The following TDP1 variants were observed in gnomAD, a reference collection of about 807,000 sequenced individuals.
TDP1 encodes the protein tyr-DNA phosphodiesterase 1.
A neutral mutation model predicts 81.5 loss-of-function variants in TDP1; 64 were observed. The observed-to-expected ratio is 0.79, with a 90% CI of 0.64 to 0.97. The LOEUF is 0.97. TDP1 is among the 50% of genes least tolerant of loss of function. The pLI is 0.00. For synonymous variants in TDP1, 256 were observed against 264.3 expected (o/e 0.97, Z 0.30); for missense variants, 723 against 743.8 (o/e 0.97, Z 0.33).
At chr14:90,010,854 A>G (rs1194280734) in intron 14 of TDP1, among the ~76,000 whole-genome samples, 1 of 152,174 alleles carries the variant, frequency 6.6e-6, no homozygotes, top group Non-Finnish European at 1.5e-5. Flanking sequence ...ATATCAAGAG[A>G]AAAAAACAGT....
rs574041655 is a variant in TDP1 at position 89,977,565 on chromosome 14, C to T, written c.791+1750C>T. ...CACCCGCCTCGGCCTCCCAAAGTGC[C>T]GGGATTACAGGCGTGAGCCACCGCA... is the stretch of plus-strand genomic sequence containing the variant. On this transcript the variant is annotated intron_variant, in intron 7 of 16. Transcript: ENST00000335725. Among the ~76,000 whole-genome samples, 14 of 152,164 alleles carry T rather than the reference C, an allele frequency of 9.2e-5. No homozygotes were observed. The South Asian group carries it at 1.3e-3, about 14-fold the overall frequency.
chr14:90,003,237 TA>T (rs1231942365), intron 14 of TDP1, among the ~76,000 whole-genome samples: 5 of 152,220 alleles, frequency 3.3e-5, no homozygotes, highest in African/African-American at 1.2e-4. Flanking sequence ...CGCCCAGCCA[TA>T]TGTGGTTAAT....
intron 15 of TDP1, among the ~76,000 whole-genome samples, chr14:90,029,775 A>G (rs150192397): frequency 0.039 from 5,968 of 152,304 alleles, 386 homozygotes; most frequent in African/African-American, 0.13. Flanking sequence ...CTGGGATTAC[A>G]GGTGTGAGCC....
intron 15 of TDP1, among the ~76,000 whole-genome samples, chr14:90,027,788 A>T (rs1596691728): frequency 6.6e-6 from 1 of 152,216 alleles, no homozygotes; most frequent in African/African-American, 2.4e-5. Context: ...AATGGAAACA[A>T]TGTAACTCAT....
intron 11 of TDP1, 97 bp downstream of exon 11, chr14:89,989,187 C>A (rs1596567113): frequency 5.4e-6 from 5 of 929,224 alleles, no homozygotes; most frequent in South Asian, 1.6e-5. Flanking sequence ...ATGTTTTATT[C>A]TGTGATTCTT....
chr14:89,993,607 T>G, intron 14 of TDP1, 124 bp downstream of exon 14: 1 of 1,464,742 alleles, frequency 6.8e-7, no homozygotes, highest in Non-Finnish European at 9.2e-7. Context: ...AGTATGTTTG[T>G]GTTACATGAG....
At chr14:89,976,786 C>T (rs887259655) in intron 7 of TDP1, among the ~76,000 whole-genome samples, 3 of 152,040 alleles carry the variant, frequency 2.0e-5, no homozygotes, top group Admixed American at 6.5e-5. Flanking sequence ...ATCCACCCTC[C>T]TCTGCCTCCC....
At position 90,043,537 on chromosome 14, in the gene TDP1, T is replaced by G; in HGVS notation, c.*394T>G. The G allele has an allele frequency of 3.1e-6, 1 of 319,050 alleles. No individual in the cohort carries two copies. The highest frequency in any genetic ancestry group is 3.1e-5 in the South Asian group (1 of 31,814). 19.8% of individuals were successfully genotyped at this position (319,050 alleles called of 1,614,324 possible). On this transcript the variant is annotated 3_prime_UTR_variant, in exon 17 of 17. Transcript: ENST00000335725. ...ACCCAAATCTAAACACAAAATTCAT[T>G]TATGTTTCATATACACCTTATATAC...
chr14:89,991,558 C>T (rs12433238), intron 12 of TDP1: 1 of 984,954 alleles, frequency 1.0e-6, no homozygotes, highest in South Asian at 4.7e-5. Flanking sequence ...GAATGGGTTT[C>T]TAAAAAGTGA....
intron 2 of TDP1, among the ~76,000 whole-genome samples, chr14:89,961,576 G>A (rs28713410): frequency 6.8e-4 from 103 of 152,184 alleles, no homozygotes; most frequent in African/African-American, 2.3e-3. Flanking sequence ...CCAGTCTTAC[G>A]ATCTCTGGTC....
intron 14 of TDP1, among the ~76,000 whole-genome samples, chr14:89,998,751 G>A (rs1896942681): frequency 6.6e-6 from 1 of 151,946 alleles, no homozygotes; most frequent in Non-Finnish European, 1.5e-5. Flanking sequence ...GGGGTGGGGA[G>A]TGGGAATATG....
Position 89,980,556 on chromosome 14 carries a change from C to G in TDP1, c.808C>G (p.Leu270Val), listed in dbSNP as rs1209723144. 3.7e-6 allele frequency: 6 copies of G among 1,614,078 alleles called. No homozygotes were observed. The highest frequency in any genetic ancestry group is 5.1e-6 in the Non-Finnish European group (6 of 1,179,950). The change falls in exon 8 of 17, where the codon CTC becomes GTC. Residue 270 changes from leucine to valine, a missense_variant. Physicochemically the swap from Leu to Val is conservative, Grantham distance 32. Transcript: ENST00000335725. ...TTTTTAAAGGAAAATGATGCTGCTG[C>G]TCTATGAAGAAGGCCTCCGGGTTGT... Reference protein sequence around the residue: ...GTHHTKMMLLLYEEGLRVVIH... With the variant: ...GTHHTKMMLLVYEEGLRVVIH...
At chr14:89,985,322 G>T in intron 10 of TDP1, 112 bp downstream of exon 10, 1 of 667,062 alleles carries the variant, frequency 1.5e-6, no homozygotes, top group African/African-American at 1.8e-5. Context: ...ACAATTCTGG[G>T]CAAATAGATA....
At position 90,042,869 on chromosome 14, in the gene TDP1, C is replaced by T; in HGVS notation, c.1754-201C>T. ...GGACACAGCCAAACCTTTTCATTCC[C>T]CATGTTCACTCACCTAGTGTCCTAA... On this transcript the variant is annotated intron_variant, in intron 16 of 16. Transcript: ENST00000335725. 4.1e-6 allele frequency: 4 copies of T among 985,302 alleles called. No homozygotes were observed. In the South Asian group the frequency reaches 1.9e-4, roughly 46 times the overall value. 61.0% of individuals were successfully genotyped at this position (985,302 alleles called of 1,614,324 possible).
chr14:89,966,498 T>C (rs1196695457), intron 4 of TDP1, among the ~76,000 whole-genome samples: 1 of 152,212 alleles, frequency 6.6e-6, no homozygotes, highest in Non-Finnish European at 1.5e-5. Context: ...GATTAACTCA[T>C]GGGACTGAGT....
rs991732297 is a variant in TDP1 at position 89,998,566 on chromosome 14, G to A, written c.1541+5083G>A. Reference sequence around the variant, plus strand: ...CACAGAGGTTAAACAATGTGCCCAAGAATCCAGAGTCCCCACCCTCAAACA... The same window carrying A: ...CACAGAGGTTAAACAATGTGCCCAAAAATCCAGAGTCCCCACCCTCAAACA... On this transcript the variant is annotated intron_variant, in intron 14 of 16. Transcript: ENST00000335725. Among the ~76,000 whole-genome samples the A allele has an allele frequency of 7.3e-5, 11 of 151,430 alleles. No individual in the cohort carries two copies. In the South Asian group the frequency reaches 1.3e-3, roughly 17 times the overall value.
chr14:90,033,431 T>C (rs1427167480), intron 16 of TDP1: 1 of 609,208 alleles, frequency 1.6e-6, no homozygotes, highest in South Asian at 1.6e-5. Flanking sequence ...AGATCCTTCC[T>C]GACTTACACT....
chr14:89,962,708 A>G (rs1396172731), intron 2 of TDP1, among the ~76,000 whole-genome samples: 3 of 148,600 alleles, frequency 2.0e-5, no homozygotes, highest in Non-Finnish European at 4.4e-5. Context: ...CTACCAAAAA[A>G]AAAGAAAAAA....
chr14:90,015,345 A>C (rs1484092674), intron 14 of TDP1, among the ~76,000 whole-genome samples: 1 of 152,218 alleles, frequency 6.6e-6, no homozygotes, highest in African/African-American at 2.4e-5. Flanking sequence ...GTTTACTCTT[A>C]AAAATTTAAT....
Sources: gnomAD v4.1 joint callset for allele counts (sites outside exome capture counted in the v4.1 genomes callset) on GRCh38, gnomAD v4.1.1 for gene constraint, MANE v1.5 for transcripts, NCBI Gene and HGNC (gene_info 2026-07-23, HGNC 2026-07-21) for gene names.